The following SCUBE1 variants were observed in gnomAD, a reference collection of about 807,000 sequenced individuals.
The protein encoded by SCUBE1 is signal peptide, CUB and EGF-like domain-containing protein 1.
In SCUBE1, 59 loss-of-function variants were observed where a neutral mutation model predicts 124.4. That is an observed-to-expected ratio of 0.47 (90% CI 0.38 to 0.59). SCUBE1 has a LOEUF of 0.59. SCUBE1 is among the 20% of genes least tolerant of loss of function. SCUBE1 has a pLI of 0.00. For synonymous variants in SCUBE1, 545 were observed against 550.9 expected (o/e 0.99, Z 0.15); for missense variants, 1,150 against 1,371.2 (o/e 0.84, Z 2.55).
intron 2 of SCUBE1, among the ~76,000 whole-genome samples, chr22:43,331,178 A>G (rs781030937): frequency 1.7e-4 from 26 of 152,238 alleles, no homozygotes; most frequent in Non-Finnish European, 2.6e-4. Context: ...TTTTAATAAC[A>G]TGCTCTGTAA....
intron 6 of SCUBE1, among the ~76,000 whole-genome samples, chr22:43,249,267 A>C (rs1368837681): frequency 2.9e-5 from 4 of 139,120 alleles, no homozygotes; most frequent in Admixed American, 1.5e-4. Context: ...GACACCCGGG[A>C]CCCTGGAGAT....
At chr22:43,249,082 G>T (rs1418356916) in intron 6 of SCUBE1, among the ~76,000 whole-genome samples, 2 of 152,108 alleles carry the variant, frequency 1.3e-5, no homozygotes, top group African/African-American at 4.8e-5. Flanking sequence ...GGCAGCCTTT[G>T]TCAGGTAGAA....
chr22:43,291,504 T>G (rs981609508), intron 3 of SCUBE1, among the ~76,000 whole-genome samples: 1 of 103,994 alleles, frequency 9.6e-6, no homozygotes, highest in African/African-American at 3.0e-5. Context: ...GGGTCTCCAT[T>G]TTGCTGTGCT....
chr22:43,218,821 T>C (rs764142872), intron 14 of SCUBE1, among the ~76,000 whole-genome samples: 17 of 152,188 alleles, frequency 1.1e-4, no homozygotes, highest in Admixed American at 2.6e-4. Context: ...TGGCCTTGAA[T>C]CCAAGGCCCT....
At chr22:43,329,992 G>A (rs2146795021) in intron 2 of SCUBE1, among the ~76,000 whole-genome samples, 1 of 152,148 alleles carries the variant, frequency 6.6e-6, no homozygotes, top group South Asian at 2.1e-4. Flanking sequence ...GCTGCCTGGG[G>A]AGCTGGAGGA....
intron 4 of SCUBE1, among the ~76,000 whole-genome samples, chr22:43,274,677 C>T (rs1163170899): frequency 4.6e-5 from 7 of 152,358 alleles, no homozygotes; most frequent in Middle Eastern, 3.4e-3. Context: ...TGTGGACACA[C>T]GAACAGGAGG....
intron 4 of SCUBE1, among the ~76,000 whole-genome samples, chr22:43,285,718 C>T (rs963644978): frequency 1.3e-5 from 2 of 152,122 alleles, no homozygotes; most frequent in African/African-American, 4.8e-5. Context: ...TGTTGTGACT[C>T]CTGATTACCT....
chr22:43,299,542 G>A (rs1482372935), intron 3 of SCUBE1, among the ~76,000 whole-genome samples: 1 of 152,208 alleles, frequency 6.6e-6, no homozygotes, highest in Non-Finnish European at 1.5e-5. Context: ...AGTGGACAGA[G>A]CTGTGCACAT....
At chr22:43,205,850 A>C (rs1601791009) in intron 21 of SCUBE1, among the ~76,000 whole-genome samples, 1 of 28,676 alleles carries the variant, frequency 3.5e-5, no homozygotes, top group Non-Finnish European at 6.6e-5. Flanking sequence ...ACACCCACTC[A>C]CCACTCACCC....
rs1475381139 is a variant in SCUBE1 at position 43,210,251 on chromosome 22, A to G, written c.2384-11T>C. ...CGCCGCAGTGCTGGTCTGTGGGCAC[A>G]GTGGCCCGAGGGCCTCATCAGGCTC... On this transcript the variant is annotated splice_polypyrimidine_tract_variant and intron_variant, in intron 18 of 21. Transcript: ENST00000360835. This position sits in a 1 kb window ranked among gnomAD's most constrained non-coding sequence, Gnocchi z 4.5. 2.0e-6 allele frequency: 3 copies of G among 1,514,454 alleles called. No individual in the cohort carries two copies. Among genetic ancestry groups the G allele is most frequent in the South Asian group, 2.6e-5 (2 of 78,264 alleles). 93.8% of individuals were successfully genotyped at this position (1,514,454 alleles called of 1,614,324 possible). A position where few individuals can be genotyped will look rare whatever the true frequency, so the allele number is the denominator to read the frequency against.
intron 3 of SCUBE1, among the ~76,000 whole-genome samples, chr22:43,309,208 T>C (rs980844833): frequency 2.0e-5 from 3 of 152,030 alleles, no homozygotes; most frequent in South Asian, 2.1e-4. Flanking sequence ...AATTAGCTCA[T>C]TCGCATCTGT....
At chr22:43,233,172 C>T (rs1017841092) in intron 7 of SCUBE1, among the ~76,000 whole-genome samples, 23 of 152,162 alleles carry the variant, frequency 1.5e-4, no homozygotes, top group Non-Finnish European at 2.9e-4. Context: ...CCAGAGCAGC[C>T]TGGCCAACGC....
rs1436289755 is a variant in SCUBE1 at position 43,218,174 on chromosome 22, G to A, written c.1891+81C>T. 7.2e-6 allele frequency: 10 copies of A among 1,380,450 alleles called. No individual in the cohort carries two copies. The East Asian group carries it at 1.8e-4, about 25-fold the overall frequency. 85.5% of individuals were successfully genotyped at this position (1,380,450 alleles called of 1,614,324 possible). A position where few individuals can be genotyped will look rare whatever the true frequency, so the allele number is the denominator to read the frequency against. ...CCCTCCCCAGGTGTCTGTCTCACCT[G>A]CGTGCCCACCACTGTTTACCCCGGC... On this transcript the variant is annotated intron_variant, in intron 15 of 21. Coordinates refer to ENST00000360835, the MANE Select transcript of SCUBE1 (RefSeq NM_173050.5).
intron 10 of SCUBE1, among the ~76,000 whole-genome samples, chr22:43,226,738 G>A (rs957913524): frequency 4.0e-5 from 6 of 151,810 alleles, no homozygotes; most frequent in Admixed American, 2.0e-4. Flanking sequence ...GCAAGGACCC[G>A]GCGTGGAGGT....
intron 3 of SCUBE1, among the ~76,000 whole-genome samples, chr22:43,291,627 G>A (rs114202625): frequency 0.018 from 2,773 of 151,304 alleles, 97 homozygotes; most frequent in African/African-American, 0.065. Context: ...ACAGTGGCAT[G>A]GTGGGCCTCC....
intron 9 of SCUBE1, 30 bp from the exon 10 acceptor site, chr22:43,227,526 G>T (rs921827014): frequency 1.2e-6 from 2 of 1,600,382 alleles, no homozygotes. Flanking sequence ...AAGGGCAGAG[G>T]GGAGGCTGGC....
At chr22:43,319,558 C>CA (rs35230785) in intron 3 of SCUBE1, among the ~76,000 whole-genome samples, 16,618 of 55,142 alleles carry the variant, frequency 0.3, 3,232 homozygotes, top group Non-Finnish European at 0.34. Flanking sequence ...GACTCCATCT[C>CA]AAAAAAAAAA....
At chr22:43,263,373 G>C (rs1923944394) in intron 4 of SCUBE1, among the ~76,000 whole-genome samples, 1 of 152,234 alleles carries the variant, frequency 6.6e-6, no homozygotes, top group African/African-American at 2.4e-5. Context: ...CAGGGGTCAA[G>C]TGAGAGGTTG....
chr22:43,293,954 C>T (rs548544999), intron 3 of SCUBE1, among the ~76,000 whole-genome samples: 2 of 152,344 alleles, frequency 1.3e-5, no homozygotes, highest in East Asian at 1.9e-4. Flanking sequence ...AAGCAAAGGG[C>T]GGTTGACGTA....
Sources: allele counts gnomAD v4.1 joint callset (sites outside exome capture counted in the v4.1 genomes callset), GRCh38; gene constraint gnomAD v4.1.1; non-coding constraint Gnocchi (gnomAD v3.1); transcripts MANE v1.5; gene names NCBI Gene and HGNC (gene_info 2026-07-23, HGNC 2026-07-21).